The following CNTN1 variants were observed in gnomAD, a reference collection of about 807,000 sequenced individuals.
CNTN1 encodes contactin-1.
Under a neutral mutation model 126.4 loss-of-function variants are expected in CNTN1, and 38 were observed. The observed-to-expected ratio is 0.30, with a 90% confidence interval of 0.23 to 0.39. The LOEUF is 0.39. CNTN1 is among the 10% of genes least tolerant of loss of function. CNTN1 has a pLI of 1.00. For missense variants in CNTN1, 1,009 were observed against 1,248.4 expected (o/e 0.81, Z 2.89); for synonymous variants, 413 against 422.6 (o/e 0.98, Z 0.28).
chr12:40,797,978 C>T lies in CNTN1; in HGVS notation c.-77+105386C>T, dbSNP rs188494199. Among the ~76,000 whole-genome samples the T allele has an allele frequency of 1.3e-4, 19 of 151,786 alleles. No individual in the cohort carries two copies. The East Asian group carries it at 2.9e-3, about 23-fold the overall frequency. ...AGTTTGAGATGCCTGTATATATACC[C>T]GAGTGTAATATAAAATACATAAGTG... On this transcript the variant is annotated intron_variant, in intron 1 of 23. Transcript: ENST00000551295.
chr12:40,786,958 A>G (rs1307140491), intron 1 of CNTN1, among the ~76,000 whole-genome samples: 1 of 152,140 alleles, frequency 6.6e-6, no homozygotes, highest in East Asian at 1.9e-4. Context: ...TATCTAATAA[A>G]TGAGTATAAA....
intron 1 of CNTN1, among the ~76,000 whole-genome samples, chr12:40,698,724 GAGTT>G (rs1309753463): frequency 2.0e-5 from 3 of 151,890 alleles, no homozygotes; most frequent in Non-Finnish European, 4.4e-5. Flanking sequence ...AAAATTTTTT[GAGTT>G]AGTTCCCCTT....
intron 1 of CNTN1, among the ~76,000 whole-genome samples, chr12:40,859,536 A>G (rs917411639): frequency 2.1e-5 from 3 of 140,660 alleles, no homozygotes; most frequent in Non-Finnish European, 4.9e-5. Context: ...AATGGAAAAA[A>G]AAACAACGAC....
intron 23 of CNTN1, among the ~76,000 whole-genome samples, chr12:41,039,417 T>C (rs942693481): frequency 1.6e-4 from 25 of 152,188 alleles, no homozygotes; most frequent in African/African-American, 6.0e-4. Context: ...GAAATGGATA[T>C]GGCAGAACTT....
intron 17 of CNTN1, among the ~76,000 whole-genome samples, chr12:40,997,216 G>T (rs1230723156): frequency 2.0e-5 from 3 of 152,226 alleles, no homozygotes; most frequent in Admixed American, 6.5e-5. Flanking sequence ...ATGTGTCATT[G>T]TAAGACATGC....
intron 14 of CNTN1, 107 bp from the exon 15 acceptor site, chr12:40,959,007 T>TA: frequency 3.0e-6 from 4 of 1,313,670 alleles, no homozygotes. Context: ...ACACATTCTT[T>TA]AAGTGGTGTT....
intron 23 of CNTN1, among the ~76,000 whole-genome samples, chr12:41,032,489 G>A (rs1479706955): frequency 6.6e-6 from 1 of 152,010 alleles, no homozygotes. Flanking sequence ...TCTCAATTAA[G>A]TGCTTTGTCC....
rs145956094 is a variant in CNTN1 at position 41,023,399 on chromosome 12, T to C, written c.2524-1751T>C. Among the ~76,000 whole-genome samples, 923 of 152,312 alleles carry C rather than the reference T, an allele frequency of 6.1e-3. 4 individuals are homozygous for C. Among genetic ancestry groups the C allele is most frequent in the Middle Eastern group, 0.027 (8 of 294 alleles). On this transcript the variant is annotated intron_variant, in intron 20 of 23. Transcript: ENST00000551295. ...TCACTTAGTATTTTTTTATCTTACT[T>C]GGTTAAAGAGCTCCCCACTTTCAAT...
In CNTN1 at chr12:41,055,882, G is replaced by T. The variant is rs765362778; in HGVS notation, c.2981-14077G>T. 1.1e-4 allele frequency among the ~76,000 whole-genome samples: 17 copies of T among 152,046 alleles called. 1 individual carries two copies. Among genetic ancestry groups the T allele is most frequent in the Non-Finnish European group, 2.1e-4 (14 of 67,996 alleles). ...ACAGGGACATTACAGCCACGGATTT[G>T]CTCTTACTTTGAAGAAGCACGGGTA... On this transcript the variant is annotated intron_variant, in intron 23 of 23. Coordinates refer to ENST00000551295, the MANE Select transcript of CNTN1 (RefSeq NM_001843.4).
intron 14 of CNTN1, among the ~76,000 whole-genome samples, chr12:40,956,827 G>T (rs543500626): frequency 1.1e-4 from 16 of 152,134 alleles, no homozygotes; most frequent in Non-Finnish European, 1.9e-4. Context: ...ATTTTTAAAA[G>T]GTTATTCTAG....
chr12:40,905,162 T>C (rs1944763313), intron 1 of CNTN1, among the ~76,000 whole-genome samples: 2 of 152,212 alleles, frequency 1.3e-5, no homozygotes, highest in African/African-American at 4.8e-5. Flanking sequence ...CTGTGGTCAT[T>C]ATTGAGAAGG....
chr12:40,972,460 T>C (rs963587660), intron 15 of CNTN1: 38 of 981,164 alleles, frequency 3.9e-5, no homozygotes, highest in Admixed American at 6.2e-5. Context: ...TATGAGTTTC[T>C]CTTTTACTTC....
At chr12:40,788,895 G>C (rs1178490132) in intron 1 of CNTN1, among the ~76,000 whole-genome samples, 1 of 152,052 alleles carries the variant, frequency 6.6e-6, no homozygotes, top group African/African-American at 2.4e-5. Context: ...CCGCTACATA[G>C]TAGACACTTT....
intron 1 of CNTN1, among the ~76,000 whole-genome samples, chr12:40,840,837 G>T (rs1489080854): frequency 1.3e-5 from 2 of 151,332 alleles, no homozygotes; most frequent in African/African-American, 4.9e-5. Context: ...TGCAAAGAGA[G>T]AATTTTATAG....
At chr12:40,965,192 T>C (rs1036657221) in intron 15 of CNTN1, among the ~76,000 whole-genome samples, 1 of 152,138 alleles carries the variant, frequency 6.6e-6, no homozygotes, top group African/African-American at 2.4e-5. Context: ...GAAAATACAA[T>C]TTTAAATGTA....
intron 18 of CNTN1, among the ~76,000 whole-genome samples, chr12:41,014,935 G>A (rs951097292): frequency 6.6e-6 from 1 of 152,066 alleles, no homozygotes; most frequent in African/African-American, 2.4e-5. Context: ...TTAGACATCT[G>A]GCATTTATCC....
intron 19 of CNTN1, among the ~76,000 whole-genome samples, 178 bp downstream of exon 19, chr12:41,017,094 G>A (rs977868962): frequency 1.3e-5 from 2 of 152,124 alleles, no homozygotes; most frequent in East Asian, 1.9e-4. Flanking sequence ...TCTAAATGAT[G>A]AGAATGTTGC....
At chr12:40,731,846 G>A (rs1425443478) in intron 1 of CNTN1, among the ~76,000 whole-genome samples, 3 of 151,964 alleles carry the variant, frequency 2.0e-5, no homozygotes, top group African/African-American at 7.2e-5. Flanking sequence ...TTTAACTGTG[G>A]TTATCTCTGA....
At chr12:41,026,457 G>A (rs1349115243) in intron 21 of CNTN1, among the ~76,000 whole-genome samples, 3 of 152,216 alleles carry the variant, frequency 2.0e-5, no homozygotes, top group Non-Finnish European at 2.9e-5. Flanking sequence ...GCCAGGAAAG[G>A]CCTCTGAGAA....
Sources: gnomAD v4.1 joint callset for allele counts (sites outside exome capture counted in the v4.1 genomes callset) on GRCh38, gnomAD v4.1.1 for gene constraint, MANE v1.5 for transcripts, NCBI Gene and HGNC (gene_info 2026-07-23, HGNC 2026-07-21) for gene names.